The following MAGI2 variants were observed in gnomAD, a reference collection of about 807,000 sequenced individuals.
MAGI2 encodes membrane associated guanylate kinase, WW and PDZ domain containing 2, also known as membrane-associated guanylate kinase, WW and PDZ domain-containing protein 2.
MAGI2 carries 35 observed loss-of-function variants against 133.3 expected under a neutral mutation model. The ratio of observed to expected loss-of-function variants is 0.26; its 90% CI spans 0.20 to 0.35. MAGI2 has a LOEUF of 0.35. Ranked by LOEUF, MAGI2 falls within the 10% of genes least tolerant of loss-of-function variation. The probability of loss-of-function intolerance (pLI) is 1.00; values close to 1 mark genes in which losing one functional copy is unlikely to be tolerated. For missense variants in MAGI2, 1,636 were observed against 1,863.4 expected, an observed-to-expected ratio of 0.88 and a Z score of 2.25; for synonymous variants, 729 against 710.6, an observed-to-expected ratio of 1.03 and a Z score of -0.41.
intron 1 of MAGI2, among the ~76,000 whole-genome samples, chr7:79,392,800 C>T (rs1437361076): frequency 6.6e-6 from 1 of 152,116 alleles, no homozygotes; most frequent in Admixed American, 6.6e-5. Flanking sequence ...TTAAAAGGCA[C>T]CTCCTTTTTC....
At chr7:79,315,773 A>T (rs1246733218) in intron 1 of MAGI2, among the ~76,000 whole-genome samples, 1 of 152,136 alleles carries the variant, frequency 6.6e-6, no homozygotes, top group African/African-American at 2.4e-5. Context: ...TGAAAAGAGG[A>T]GGCAGGAATG....
At chr7:78,213,737 T>C (rs1343600486) in intron 10 of MAGI2, among the ~76,000 whole-genome samples, 1 of 152,264 alleles carries the variant, frequency 6.6e-6, no homozygotes, top group Non-Finnish European at 1.5e-5. Flanking sequence ...ACTTTGCTTC[T>C]GTCCATAAAT....
chr7:78,723,623 G>A (rs12533182), intron 2 of MAGI2, among the ~76,000 whole-genome samples: 6,835 of 152,232 alleles, frequency 0.045, 233 homozygotes, highest in Non-Finnish European at 0.069. Context: ...AAGAGCAAGA[G>A]GGTGTAGAGT....
intron 1 of MAGI2, among the ~76,000 whole-genome samples, chr7:79,432,059 C>T (rs898110744): frequency 6.6e-6 from 1 of 152,148 alleles, no homozygotes. Flanking sequence ...TGGTACTTTT[C>T]CTGTTTTCCT....
chr7:78,581,678 A>G (rs1376485219), intron 3 of MAGI2, among the ~76,000 whole-genome samples: 2 of 152,246 alleles, frequency 1.3e-5, no homozygotes, highest in Non-Finnish European at 2.9e-5. Context: ...CCCCTGTAAT[A>G]AAAGACAGAT....
At chr7:79,447,036 G>A (rs1848904589) in intron 1 of MAGI2, among the ~76,000 whole-genome samples, 1 of 152,034 alleles carries the variant, frequency 6.6e-6, no homozygotes, top group African/African-American at 2.4e-5. Flanking sequence ...ATCAAAGAAG[G>A]AAACTTTTAT....
intron 1 of MAGI2, among the ~76,000 whole-genome samples, chr7:79,060,387 G>C (rs1813615729): frequency 6.6e-6 from 1 of 151,932 alleles, no homozygotes. Context: ...TTATGTAAAT[G>C]TAATAATGGT....
chr7:78,070,442 G>A (rs1209568107), intron 21 of MAGI2, among the ~76,000 whole-genome samples: 1 of 147,052 alleles, frequency 6.8e-6, no homozygotes, highest in Non-Finnish European at 1.5e-5. Flanking sequence ...ATATATATAT[G>A]TGTATATATA....
At chr7:78,139,310 T>G (rs1822501839) in intron 16 of MAGI2, among the ~76,000 whole-genome samples, 1 of 152,198 alleles carries the variant, frequency 6.6e-6, no homozygotes, top group African/African-American at 2.4e-5. Flanking sequence ...AGCCTCACTT[T>G]TCCTTTACTA....
rs1563241526 is a variant in MAGI2, at chr7:79,453,145, T to A, written c.176A>T (p.Lys59Ile). 1 of 1,613,926 alleles carries A rather than the reference T, an allele frequency of 6.2e-7. No individual in the cohort carries two copies. Among genetic ancestry groups the A allele is most frequent in the Non-Finnish European group, 8.5e-7 (1 of 1,180,024 alleles). ...PGKVAYESGS[K>I]LVSEELLLEV... Reference sequence around the variant, plus strand: ...CAGCAGCAGCTCCTCCGACACCAATTTGCTGCCGCTCTCATAGGCCACCTT... The same window carrying A: ...CAGCAGCAGCTCCTCCGACACCAATATGCTGCCGCTCTCATAGGCCACCTT... The change falls in exon 1 of 22, where the codon AAA becomes ATA. Residue 59 changes from lysine to isoleucine, a missense_variant. Lys to Ile is a moderately radical substitution (Grantham distance 102). Coordinates refer to ENST00000354212, the MANE Select transcript of MAGI2 (RefSeq NM_012301.4).
intron 2 of MAGI2, among the ~76,000 whole-genome samples, chr7:78,894,999 A>G (rs533700962): frequency 2.0e-5 from 3 of 152,278 alleles, no homozygotes; most frequent in African/African-American, 4.8e-5. Flanking sequence ...TTTAACCCCA[A>G]TGTAACAGTA....
At chr7:78,421,407 T>C (rs1189115053) in intron 6 of MAGI2, among the ~76,000 whole-genome samples, 1 of 152,234 alleles carries the variant, frequency 6.6e-6, no homozygotes, top group East Asian at 1.9e-4. Context: ...CATAATTTAC[T>C]TTTCCTTTTA....
At chr7:78,593,125 AT>A (rs61169098) in intron 3 of MAGI2, among the ~76,000 whole-genome samples, 2 of 148,914 alleles carry the variant, frequency 1.3e-5, no homozygotes, top group African/African-American at 5.0e-5. Context: ...CTGGCCCCTG[AT>A]TTTTTTTTTC....
chr7:78,432,830 G>A (rs1234326631), intron 6 of MAGI2, among the ~76,000 whole-genome samples: 1 of 151,884 alleles, frequency 6.6e-6, no homozygotes. Flanking sequence ...TACTTAATAT[G>A]CATATATAAA....
At chr7:79,379,091 A>C (rs542716871) in intron 1 of MAGI2, among the ~76,000 whole-genome samples, 125 of 144,830 alleles carry the variant, frequency 8.6e-4, no homozygotes, top group African/African-American at 2.9e-3. Flanking sequence ...GGTATATCTC[A>C]TAATGCTATC....
intron 6 of MAGI2, among the ~76,000 whole-genome samples, chr7:78,448,096 G>A (rs764735415): frequency 2.0e-5 from 3 of 151,918 alleles, no homozygotes; most frequent in African/African-American, 7.3e-5. Context: ...CAAATGACAG[G>A]ATTTCCTTCT....
At chr7:79,167,645 G>C (rs1825078591) in intron 1 of MAGI2, among the ~76,000 whole-genome samples, 1 of 151,898 alleles carries the variant, frequency 6.6e-6, no homozygotes, top group Non-Finnish European at 1.5e-5. Flanking sequence ...TGCTAAATCT[G>C]TCCCTATGTT....
chr7:79,235,106 G>T (rs1423528187), intron 1 of MAGI2, among the ~76,000 whole-genome samples: 1 of 150,314 alleles, frequency 6.7e-6, no homozygotes, highest in Non-Finnish European at 1.5e-5. Flanking sequence ...TAGGCTGCTC[G>T]GGGGTCAGGG....
At chr7:78,448,518 C>G (rs962124887) in intron 6 of MAGI2, among the ~76,000 whole-genome samples, 4 of 151,320 alleles carry the variant, frequency 2.6e-5, no homozygotes, top group African/African-American at 9.7e-5. Flanking sequence ...TAAATCTGAA[C>G]TTGGTATGCT....
Sources: allele counts gnomAD v4.1 joint callset (sites outside exome capture counted in the v4.1 genomes callset), GRCh38; gene constraint gnomAD v4.1.1; transcripts MANE v1.5; gene names NCBI Gene and HGNC (gene_info 2026-07-23, HGNC 2026-07-21).